Variants in JARID2 observed in about 807,000 individuals in gnomAD.
JARID2 encodes jumonji and AT-rich interaction domain containing 2, also known as protein Jumonji.
Under a neutral mutation model 125.6 loss-of-function variants are expected in JARID2, and 21 were observed. That is an observed-to-expected ratio of 0.17 (90% CI 0.12 to 0.24). The LOEUF (loss-of-function observed/expected upper bound fraction) is 0.24, where lower values mean the gene tolerates loss of function less well. Among genes scored for constraint, JARID2 ranks in the 10% least tolerant of loss-of-function variants. The pLI is 1.00. For missense variants in JARID2, 1,303 were observed against 1,639.6 expected, an observed-to-expected ratio of 0.79 and a Z score of 3.55; for synonymous variants, 736 against 661.6, an observed-to-expected ratio of 1.11 and a Z score of -1.73.
At position 15,486,340 on chromosome 6, in the gene JARID2, G is replaced by A. The variant is rs1260081006; in HGVS notation, c.671-967G>A. On this transcript the variant is annotated intron_variant, in intron 5 of 17. Transcript: ENST00000341776. ...TTCTGGTTTTCTGTAGAAACCCCAA[G>A]CATCCCTGTTCTCTTTTGAAGTCTC... 2.6e-5 allele frequency among the ~76,000 whole-genome samples: 4 copies of A among 152,254 alleles called. No homozygotes were observed. In the East Asian group the frequency reaches 7.7e-4, roughly 29 times the overall value.
intron 3 of JARID2, among the ~76,000 whole-genome samples, chr6:15,427,453 C>T (rs1386395613): frequency 6.6e-6 from 1 of 151,586 alleles, no homozygotes; most frequent in African/African-American, 2.4e-5. Flanking sequence ...TCTGTTACCT[C>T]GGAGATCAGA....
rs191175737 is a variant in JARID2 at position 15,360,549 on chromosome 6, C to T, written c.46-13568C>T. On this transcript the variant is annotated intron_variant, in intron 1 of 17. Transcript: ENST00000341776. ...CCAAACTGGAGTATAGTGGCTCAAT[C>T]ATAGCTCACTGTAACCTCAGAATGC... Among the ~76,000 whole-genome samples the T allele has an allele frequency of 3.3e-5, 5 of 152,264 alleles. No individual in the cohort carries two copies. The East Asian group carries it at 9.6e-4, about 29-fold the overall frequency.
At chr6:15,322,557 T>TA (rs1265103062) in intron 1 of JARID2, among the ~76,000 whole-genome samples, 1 of 152,202 alleles carries the variant, frequency 6.6e-6, no homozygotes, top group African/African-American at 2.4e-5. Flanking sequence ...TGCAAGGATT[T>TA]AATGAGTTTT....
At chr6:15,385,111 G>A (rs1764735936) in intron 2 of JARID2, among the ~76,000 whole-genome samples, 1 of 152,202 alleles carries the variant, frequency 6.6e-6, no homozygotes, top group East Asian at 1.9e-4. Context: ...ATGTGAAAGC[G>A]AAATATCCTC....
chr6:15,269,481 C>T (rs1386496812), intron 1 of JARID2, among the ~76,000 whole-genome samples: 1 of 152,100 alleles, frequency 6.6e-6, no homozygotes, highest in Non-Finnish European at 1.5e-5. Flanking sequence ...CCTGCCTTCC[C>T]TGCCCCACCC....
intron 3 of JARID2, among the ~76,000 whole-genome samples, chr6:15,433,404 G>GTC (rs375165836): frequency 0.024 from 3,200 of 133,538 alleles, 53 homozygotes; most frequent in South Asian, 0.069. Context: ...CAACCCCCAT[G>GTC]TCTCTCTGTG....
rs899959895 is a variant in JARID2 at position 15,286,102 on chromosome 6, G to A, written c.45+39518G>A. ...GTCTCCCAGGCTGGAGTGCAGTAGC[G>A]CCATCTACAAGCCAATTGCTTGACT... On this transcript the variant is annotated intron_variant, in intron 1 of 17. Coordinates refer to ENST00000341776, the MANE Select transcript of JARID2 (RefSeq NM_004973.4). Among the ~76,000 whole-genome samples the A allele has an allele frequency of 7.9e-5, 12 of 152,150 alleles. No individual in the cohort carries two copies. The East Asian group carries it at 1.9e-3, about 24-fold the overall frequency.
At chr6:15,357,771 C>T (rs533439916) in intron 1 of JARID2, among the ~76,000 whole-genome samples, 9 of 152,168 alleles carry the variant, frequency 5.9e-5, no homozygotes, top group South Asian at 2.1e-4. Context: ...GAGCTGTTTC[C>T]GGATGCTATG....
chr6:15,258,877 A>G (rs1407002024), intron 1 of JARID2, among the ~76,000 whole-genome samples: 2 of 152,244 alleles, frequency 1.3e-5, no homozygotes, highest in East Asian at 1.9e-4. Context: ...TCCAAGTGCA[A>G]GATTGAAGAG....
chr6:15,455,078 C>A (rs771514381), intron 4 of JARID2, among the ~76,000 whole-genome samples: 3 of 151,908 alleles, frequency 2.0e-5, no homozygotes, highest in Admixed American at 1.3e-4. Context: ...CGTCTATAGT[C>A]CATCTCTGTG....
chr6:15,489,094 A>G (rs979757029), intron 6 of JARID2, among the ~76,000 whole-genome samples: 1 of 152,226 alleles, frequency 6.6e-6, no homozygotes, highest in African/African-American at 2.4e-5. Context: ...AGAGAACAGA[A>G]TTAGAAGCAA....
Position 15,512,385 on chromosome 6 carries a change from G to A in JARID2, c.3130G>A (p.Ala1044Thr). The part of the protein sequence containing the change: ...TQWTSMGFET[A>T]KEMKRRHIAK... ...GTGGACAAGTATGGGCTTTGAGACC[G>A]CCAAGGTGAGCAGAGCCGGCCTCCT... is the stretch of plus-strand genomic sequence containing the variant. The change falls in exon 14 of 18, where the codon GCC (alanine) becomes ACC (threonine). Residue 1044 changes from alanine to threonine, a missense_variant. This residue lies in a region of JARID2 where 190 missense variants were observed against 341.4 expected (regional missense o/e 0.56). Coordinates refer to ENST00000341776, the MANE Select transcript of JARID2 (RefSeq NM_004973.4). 1.2e-6 allele frequency: 2 copies of A among 1,613,774 alleles called. No individual in the cohort carries two copies. Among genetic ancestry groups the A allele is most frequent in the Non-Finnish European group, 1.7e-6 (2 of 1,179,708 alleles).
At chr6:15,498,440 C>T (rs549547974) in intron 7 of JARID2, among the ~76,000 whole-genome samples, 192 of 152,276 alleles carry the variant, frequency 1.3e-3, no homozygotes, top group Middle Eastern at 0.01. Flanking sequence ...TTCAGTCCTG[C>T]CACTGGGGAC....
At chr6:15,387,597 T>C (rs984117494) in intron 2 of JARID2, among the ~76,000 whole-genome samples, 9 of 152,170 alleles carry the variant, frequency 5.9e-5, no homozygotes, top group Non-Finnish European at 1.0e-4. Context: ...GGGAGTACAT[T>C]ACAGTCTCTG....
chr6:15,283,658 A>G (rs11961083), intron 1 of JARID2, among the ~76,000 whole-genome samples: 1 of 150,394 alleles, frequency 6.6e-6, no homozygotes, highest in African/African-American at 2.5e-5. Flanking sequence ...ATATTTATTA[A>G]ATATGTTGCA....
rs946498879 is a variant in JARID2 at position 15,312,620 on chromosome 6, C to T, written c.46-61497C>T. Among the ~76,000 whole-genome samples, 4 of 152,278 alleles carry T rather than the reference C, an allele frequency of 2.6e-5. No homozygotes were observed. In the South Asian group the frequency reaches 6.2e-4, roughly 24 times the overall value. ...TGGAAGCACTTTTGTGTCTACATCC[C>T]TTCACTTTGCTTTGAGATTCATCCA... is the stretch of plus-strand genomic sequence containing the variant. On this transcript the variant is annotated intron_variant, in intron 1 of 17. Transcript: ENST00000341776.
intron 1 of JARID2, among the ~76,000 whole-genome samples, chr6:15,373,172 C>G (rs751354574): frequency 1.2e-4 from 18 of 152,192 alleles, no homozygotes; most frequent in Non-Finnish European, 2.1e-4. Flanking sequence ...CTTAATCTTG[C>G]TGATTCTTTA....
rs186168954 is a variant in JARID2, at chr6:15,266,263, T to C, written c.45+19679T>C. Among the ~76,000 whole-genome samples, 1,449 of 152,292 alleles carry C rather than the reference T, an allele frequency of 9.5e-3. 20 individuals are homozygous for C. Among genetic ancestry groups the C allele is most frequent in the African/African-American group, 0.033 (1,355 of 41,550 alleles). ...ATGGCCCCTCTTTTAAAGAGCTTTT[T>C]AGCACGGTCTCTGCCAAGTATATTT... On this transcript the variant is annotated intron_variant, in intron 1 of 17. Transcript: ENST00000341776.
intron 2 of JARID2, among the ~76,000 whole-genome samples, chr6:15,374,553 G>T (rs1764282083): frequency 6.6e-6 from 1 of 152,228 alleles, no homozygotes; most frequent in South Asian, 2.1e-4. Context: ...ACTCTTTGAT[G>T]ATCTTGCTGA....
Sources: allele counts gnomAD v4.1 joint callset (sites outside exome capture counted in the v4.1 genomes callset), GRCh38; gene constraint gnomAD v4.1.1; regional missense constraint gnomAD v4.1.1; transcripts MANE v1.5; gene names NCBI Gene and HGNC (gene_info 2026-07-23, HGNC 2026-07-21).